The following MYO1D variants were observed in gnomAD, a reference collection of about 807,000 sequenced individuals.
MYO1D encodes the protein unconventional myosin-Id.
A neutral mutation model predicts 122.0 loss-of-function variants in MYO1D; 83 were observed. The ratio of observed to expected loss-of-function variants is 0.68; its 90% confidence interval spans 0.57 to 0.82. MYO1D has a LOEUF of 0.82. Ranked by LOEUF, MYO1D falls within the 40% of genes least tolerant of loss-of-function variation. MYO1D has a pLI of 0.00. For missense variants in MYO1D, 1,157 were observed against 1,269.5 expected, an observed-to-expected ratio of 0.91 and a Z score of 1.35; for synonymous variants, 464 against 446.9, an observed-to-expected ratio of 1.04 and a Z score of -0.48.
chr17:32,749,560 G>A (rs570083447), intron 11 of MYO1D, among the ~76,000 whole-genome samples: 14 of 152,156 alleles, frequency 9.2e-5, no homozygotes, highest in South Asian at 6.3e-4. Context: ...GTGAAACCCC[G>A]TCTCTACTAA....
rs181434235 is a variant in MYO1D at position 32,661,452 on chromosome 17, A to C, written c.2122-2114T>G. Among the ~76,000 whole-genome samples, 44 of 152,280 alleles carry C rather than the reference A, an allele frequency of 2.9e-4. No homozygotes were observed. In the East Asian group the frequency reaches 8.1e-3, roughly 28 times the overall value. ...AGGATCACTTGAGCCTAAGAGTTTGAAACCAGCATGGGCAACATGGTGAAA... is the reference window on the plus strand; with the variant it reads ...AGGATCACTTGAGCCTAAGAGTTTGCAACCAGCATGGGCAACATGGTGAAA... On this transcript the variant is annotated intron_variant, in intron 16 of 21. Transcript: ENST00000318217.
At chr17:32,841,584 A>G (rs180883672) in intron 1 of MYO1D, among the ~76,000 whole-genome samples, 1 of 152,326 alleles carries the variant, frequency 6.6e-6, no homozygotes, top group Admixed American at 6.5e-5. Flanking sequence ...AGATAAAATA[A>G]TAGGTGTCTA....
At chr17:32,808,394 G>C (rs984585724) in intron 1 of MYO1D, among the ~76,000 whole-genome samples, 4 of 150,846 alleles carry the variant, frequency 2.7e-5, no homozygotes, top group Non-Finnish European at 5.9e-5. Flanking sequence ...AAGTAAATTT[G>C]AAAGAAATAT....
intron 6 of MYO1D, 93 bp from the exon 7 acceptor site, chr17:32,767,845 C>G: frequency 1.1e-6 from 1 of 876,212 alleles, no homozygotes; most frequent in Non-Finnish European, 1.8e-6. Flanking sequence ...AAGGTTTTGC[C>G]TTCATAGTAA....
chr17:32,541,632 CAG>C (rs1296176460), intron 21 of MYO1D, among the ~76,000 whole-genome samples: 3 of 152,158 alleles, frequency 2.0e-5, no homozygotes, highest in East Asian at 1.9e-4. Context: ...TATCTAGAAT[CAG>C]AGAGTGGTCC....
rs571091909 is a variant in MYO1D at position 32,551,931 on chromosome 17, C to T, written c.2864+53156G>A. On this transcript the variant is annotated intron_variant, in intron 21 of 21. Coordinates refer to ENST00000318217, the MANE Select transcript of MYO1D (RefSeq NM_015194.3). ...TAGCCTAGAAGCATGTTCAAATCTC[C>T]TCCAGTAAACAAAAGACCAAAAAGT... 2.0e-5 allele frequency among the ~76,000 whole-genome samples: 3 copies of T among 152,314 alleles called. No individual in the cohort carries two copies. In the South Asian group the frequency reaches 6.2e-4, roughly 32 times the overall value.
intron 21 of MYO1D, chr17:32,518,535 T>C (rs940366308): frequency 4.6e-5 from 7 of 152,146 alleles, no homozygotes; most frequent in Admixed American, 3.9e-4. Context: ...TCCCAAAGCA[T>C]TTAGAGGGAA....
intron 16 of MYO1D, among the ~76,000 whole-genome samples, chr17:32,689,844 G>A (rs144577999): frequency 1.5e-4 from 23 of 151,254 alleles, no homozygotes; most frequent in Admixed American, 3.9e-4. Flanking sequence ...TCAGCCTCCC[G>A]AGTAGCTGGG....
intron 16 of MYO1D, among the ~76,000 whole-genome samples, chr17:32,681,647 T>A (rs959083076): frequency 3.3e-5 from 5 of 152,098 alleles, no homozygotes; most frequent in African/African-American, 1.2e-4. Context: ...CTTTTACATT[T>A]GCTGAGGAGA....
chr17:32,516,224 T>C (rs1909885872), intron 21 of MYO1D, among the ~76,000 whole-genome samples: 1 of 152,198 alleles, frequency 6.6e-6, no homozygotes, highest in African/African-American at 2.4e-5. Context: ...GCAGCCTTAT[T>C]TCCCTTTTCC....
intron 1 of MYO1D, among the ~76,000 whole-genome samples, chr17:32,839,068 A>C (rs1008166159): frequency 2.0e-5 from 3 of 152,216 alleles, no homozygotes; most frequent in African/African-American, 7.2e-5. Flanking sequence ...CAAGAATAAC[A>C]TAAGTTGTTA....
rs979034264 is a variant in MYO1D, at chr17:32,572,174, C to T, written c.2864+32913G>A. Among the ~76,000 whole-genome samples the T allele has an allele frequency of 8.6e-5, 13 of 151,840 alleles. 1 individual carries two copies. Among genetic ancestry groups the T allele is most frequent in the African/African-American group, 3.2e-4 (13 of 41,212 alleles). On this transcript the variant is annotated intron_variant, in intron 21 of 21. Transcript: ENST00000318217. ...TCAACAAGAAACTCTCTCTGTATTT[C>T]CCATTTTCTAAGGTGCTGATGCCAG...
intron 14 of MYO1D, among the ~76,000 whole-genome samples, chr17:32,729,667 A>G (rs1336258166): frequency 1.3e-5 from 2 of 152,346 alleles, no homozygotes; most frequent in South Asian, 2.1e-4. Flanking sequence ...TTTTTGTCTT[A>G]GAAGCTACTG....
At chr17:32,860,119 C>T (rs1055309697) in intron 1 of MYO1D, among the ~76,000 whole-genome samples, 2 of 152,130 alleles carry the variant, frequency 1.3e-5, no homozygotes, top group African/African-American at 4.8e-5. Context: ...CATTACTGTG[C>T]CTGGGTGAGA....
chr17:32,821,097 C>T (rs2090657959), intron 1 of MYO1D, among the ~76,000 whole-genome samples: 1 of 152,148 alleles, frequency 6.6e-6, no homozygotes, highest in Non-Finnish European at 1.5e-5. Context: ...CATCATTTAG[C>T]TCCCACTTAT....
intron 21 of MYO1D, among the ~76,000 whole-genome samples, chr17:32,560,233 C>T (rs1055154905): frequency 1.1e-4 from 16 of 151,588 alleles, no homozygotes; most frequent in African/African-American, 2.2e-4. Flanking sequence ...GCAGCCTGGG[C>T]GACAGAATGA....
At chr17:32,636,337 T>C (rs2088099357) in intron 20 of MYO1D, among the ~76,000 whole-genome samples, 1 of 152,230 alleles carries the variant, frequency 6.6e-6, no homozygotes, top group African/African-American at 2.4e-5. Context: ...CATCATGTTT[T>C]AAAAAGGTTC....
chr17:32,861,883 T>C (rs1309923405), intron 1 of MYO1D, among the ~76,000 whole-genome samples: 3 of 152,074 alleles, frequency 2.0e-5, no homozygotes, highest in African/African-American at 7.2e-5. Context: ...CTGGGCATAG[T>C]GGTACACGCC....
At chr17:32,689,659 T>C (rs183220539) in intron 16 of MYO1D, among the ~76,000 whole-genome samples, 74 of 152,304 alleles carry the variant, frequency 4.9e-4, no homozygotes, top group Non-Finnish European at 5.0e-4. Flanking sequence ...TCACTTAACA[T>C]TTATGAAGAA....
Sources: allele counts gnomAD v4.1 joint callset (sites outside exome capture counted in the v4.1 genomes callset), GRCh38; gene constraint gnomAD v4.1.1; transcripts MANE v1.5; gene names NCBI Gene and HGNC (gene_info 2026-07-23, HGNC 2026-07-21).